PSME4: variants seen among roughly 807,000 people sequenced by gnomAD.
PSME4 encodes proteasome activator subunit 4.
PSME4 carries 89 observed loss-of-function variants against 253.9 expected under a neutral mutation model. That is an observed-to-expected ratio of 0.35 (90% CI 0.30 to 0.42). The LOEUF (loss-of-function observed/expected upper bound fraction) is 0.42, where lower values mean the gene tolerates loss of function less well. PSME4 is among the 10% of genes least tolerant of loss of function. The pLI, the probability that PSME4 is intolerant of heterozygous loss-of-function variation, is 1.00. For missense variants in PSME4, 2,014 were observed against 2,195.2 expected (o/e 0.92, Z 1.65); for synonymous variants, 851 against 759.2 (o/e 1.12, Z -1.99).
chr2:53,890,043 G>GA, intron 37 of PSME4, 61 bp downstream of exon 37: 1 of 1,254,952 alleles, frequency 8.0e-7, no homozygotes, highest in Non-Finnish European at 1.2e-6. Flanking sequence ...CACACTTTGA[G>GA]AGACAGTATC....
chr2:53,932,993 A>C, intron 8 of PSME4: 1 of 454,858 alleles, frequency 2.2e-6, no homozygotes, highest in Non-Finnish European at 3.9e-6. Flanking sequence ...AACATAAAAA[A>C]CTAAAAAAAT....
At chr2:53,964,248 G>C (rs1670617973) in intron 1 of PSME4, among the ~76,000 whole-genome samples, 1 of 152,102 alleles carries the variant, frequency 6.6e-6, no homozygotes. Context: ...TCAAATGTAT[G>C]CATGTGTAGA....
chr2:53,936,032 T>C, intron 7 of PSME4, 55 bp downstream of exon 7: 1 of 1,569,522 alleles, frequency 6.4e-7, no homozygotes. Context: ...CAGCTGGGAT[T>C]ACAGGCGCCT....
chr2:53,945,642 A>T (rs1449305331), intron 3 of PSME4, among the ~76,000 whole-genome samples: 1 of 152,228 alleles, frequency 6.6e-6, no homozygotes, highest in Admixed American at 6.5e-5. Flanking sequence ...ATGTTGAAAC[A>T]CATGCCGCTC....
chr2:53,869,310 G>T, intron 44 of PSME4, 66 bp downstream of exon 44: 1 of 1,403,162 alleles, frequency 7.1e-7, no homozygotes, highest in Middle Eastern at 1.9e-4. Flanking sequence ...CAATAAATAT[G>T]AGTAAGCCTG....
chr2:53,876,182 TGAAATCA>T (rs1309576270), intron 41 of PSME4, among the ~76,000 whole-genome samples: 1 of 152,262 alleles, frequency 6.6e-6, no homozygotes, highest in African/African-American at 2.4e-5. Flanking sequence ...ACTGGTTTTT[TGAAATCA>T]GGTTTAAGGT....
intron 3 of PSME4, among the ~76,000 whole-genome samples, chr2:53,947,995 G>A (rs549682498): frequency 1.3e-5 from 2 of 152,260 alleles, no homozygotes; most frequent in East Asian, 1.9e-4. Context: ...CAGCCTGAGC[G>A]TCAGAGTGAG....
At chr2:53,967,630 C>A (rs1259267735) in intron 1 of PSME4, among the ~76,000 whole-genome samples, 1 of 101,166 alleles carries the variant, frequency 9.9e-6, no homozygotes, top group African/African-American at 3.9e-5. Flanking sequence ...TGTGTCTGGG[C>A]AACAGAGTGA....
rs149464546 is a variant in PSME4 at position 53,864,191 on chromosome 2, T to C, written c.*1387A>G. 2.0e-5 allele frequency: 3 copies of C among 152,374 alleles called. No homozygotes were observed. Among genetic ancestry groups the C allele is most frequent in the African/African-American group, 7.2e-5 (3 of 41,586 alleles). The allele number at this position is 152,374 out of a possible 1,614,324, so 9.4% of individuals were successfully genotyped here. ...TTAAATACTGTACCAGGACCACTGC[T>C]GTGCTTAGGTCTGTATTCAGTCATT... On this transcript the variant is annotated 3_prime_UTR_variant, in exon 47 of 47. Transcript: ENST00000404125.
chr2:53,934,502 C>CA (rs1274675426), intron 8 of PSME4, 103 bp downstream of exon 8: 3 of 1,194,624 alleles, frequency 2.5e-6, no homozygotes, highest in Admixed American at 4.4e-5. Context: ...ATCAAGTCAC[C>CA]AACCAAGCCA....
intron 41 of PSME4, among the ~76,000 whole-genome samples, chr2:53,878,131 G>A (rs921487816): frequency 3.9e-5 from 6 of 152,172 alleles, no homozygotes; most frequent in African/African-American, 1.4e-4. Flanking sequence ...ACCGGCTGAA[G>A]CCATGGCAGA....
At chr2:53,938,500 G>C (rs1669231117) in intron 4 of PSME4, among the ~76,000 whole-genome samples, 1 of 137,290 alleles carries the variant, frequency 7.3e-6, no homozygotes, top group African/African-American at 2.8e-5. Flanking sequence ...TTAAAGACAA[G>C]AGTCTCACTG....
At chr2:53,966,850 C>A (rs1384176547) in intron 1 of PSME4, among the ~76,000 whole-genome samples, 2 of 152,100 alleles carry the variant, frequency 1.3e-5, no homozygotes, top group Non-Finnish European at 1.5e-5. Context: ...AAGGCGTGCA[C>A]CACCATGCCA....
chr2:53,865,846 T>C (rs549172728), intron 46 of PSME4: 1 of 466,746 alleles, frequency 2.1e-6, no homozygotes, highest in East Asian at 3.7e-5. Flanking sequence ...ACACCACTCA[T>C]CTACAAAGGT....
chr2:53,934,084 G>C (rs1668993891), intron 8 of PSME4, among the ~76,000 whole-genome samples: 1 of 152,160 alleles, frequency 6.6e-6, no homozygotes, highest in African/African-American at 2.4e-5. Flanking sequence ...ATAATAGGAA[G>C]CTGTTCTAAT....
intron 20 of PSME4, among the ~76,000 whole-genome samples, chr2:53,915,936 A>G (rs900818908): frequency 2.7e-4 from 41 of 152,190 alleles, no homozygotes; most frequent in African/African-American, 9.4e-4. Context: ...TTAGCCAGGC[A>G]TGGTGGCACA....
chr2:53,961,866 C>A (rs183268281), intron 1 of PSME4, among the ~76,000 whole-genome samples: 6 of 152,180 alleles, frequency 3.9e-5, no homozygotes, highest in Non-Finnish European at 8.8e-5. Context: ...TAACCCGAAG[C>A]GTCCACCCTA....
intron 28 of PSME4, among the ~76,000 whole-genome samples, chr2:53,900,505 C>A (rs2104434553): frequency 6.6e-6 from 1 of 151,846 alleles, no homozygotes; most frequent in Middle Eastern, 3.4e-3. Flanking sequence ...TGCACTCTAG[C>A]CTTGGGGGAC....
chr2:53,956,282 A>AC (rs879462554), intron 1 of PSME4, among the ~76,000 whole-genome samples: 10 of 152,074 alleles, frequency 6.6e-5, no homozygotes, highest in Non-Finnish European at 1.5e-4. Flanking sequence ...TAATCCCAGC[A>AC]CTTTAGGAGG....
Sources: gnomAD v4.1 joint callset for allele counts (sites outside exome capture counted in the v4.1 genomes callset) on GRCh38, gnomAD v4.1.1 for gene constraint, MANE v1.5 for transcripts, NCBI Gene and HGNC (gene_info 2026-07-23, HGNC 2026-07-21) for gene names.